PTPRM: variants seen among roughly 807,000 people sequenced by gnomAD.
The protein encoded by PTPRM is protein tyrosine phosphatase receptor type M, also known as receptor-type tyrosine-protein phosphatase mu.
In PTPRM, 47 loss-of-function variants were observed where a neutral mutation model predicts 186.7. The ratio of observed to expected loss-of-function variants is 0.25; its 90% confidence interval spans 0.20 to 0.32. PTPRM has a LOEUF of 0.32. Ranked by LOEUF, PTPRM falls within the 10% of genes least tolerant of loss-of-function variation. The pLI is 1.00. For synonymous variants in PTPRM, 668 were observed against 674.9 expected (o/e 0.99, Z 0.16); for missense variants, 1,494 against 1,865.0 (o/e 0.80, Z 3.66).
At chr18:8,026,861 A>G (rs1379103322) in intron 7 of PTPRM, among the ~76,000 whole-genome samples, 1 of 152,226 alleles carries the variant, frequency 6.6e-6, no homozygotes, top group Non-Finnish European at 1.5e-5. Flanking sequence ...CCATCTCAAA[A>G]AAAAAAAATG....
chr18:7,652,899 ATACTACTAC>A (rs201151653), intron 1 of PTPRM, among the ~76,000 whole-genome samples: 1 of 151,864 alleles, frequency 6.6e-6, no homozygotes, highest in Non-Finnish European at 1.5e-5. Context: ...AACTTAAAGT[ATACTACTAC>A]TACTACTACT....
At chr18:7,830,742 G>A (rs907612326) in intron 2 of PTPRM, among the ~76,000 whole-genome samples, 5 of 152,218 alleles carry the variant, frequency 3.3e-5, no homozygotes, top group African/African-American at 4.8e-5. Context: ...TAAAGAGACA[G>A]CAGCCAGTGG....
At chr18:7,692,472 C>T (rs750195801) in intron 1 of PTPRM, among the ~76,000 whole-genome samples, 1 of 152,190 alleles carries the variant, frequency 6.6e-6, no homozygotes, top group Non-Finnish European at 1.5e-5. Flanking sequence ...CAGTATGAAA[C>T]CTTTCTTAAA....
intron 29 of PTPRM, among the ~76,000 whole-genome samples, 173 bp downstream of exon 29, chr18:8,380,600 G>A (rs1178370937): frequency 6.6e-6 from 1 of 151,850 alleles, no homozygotes; most frequent in African/African-American, 2.4e-5. Flanking sequence ...CGGAATTAGG[G>A]GTTAGAAAGT....
At chr18:7,581,598 A>G (rs935601918) in intron 1 of PTPRM, among the ~76,000 whole-genome samples, 1 of 150,776 alleles carries the variant, frequency 6.6e-6, no homozygotes, top group African/African-American at 2.4e-5. Context: ...TTAGTTTCAA[A>G]TCTCATCATT....
intron 7 of PTPRM, among the ~76,000 whole-genome samples, chr18:8,040,270 T>A (rs904542779): frequency 2.0e-5 from 3 of 152,186 alleles, no homozygotes; most frequent in Non-Finnish European, 2.9e-5. Flanking sequence ...GTTCTCACTC[T>A]CATCCTAGTC....
At chr18:7,795,476 A>G (rs2043579704) in intron 2 of PTPRM, among the ~76,000 whole-genome samples, 1 of 152,034 alleles carries the variant, frequency 6.6e-6, no homozygotes. Flanking sequence ...TCTGGAAAAA[A>G]AAAAAAAAAG....
At chr18:8,049,987 A>C (rs1231635113) in intron 7 of PTPRM, among the ~76,000 whole-genome samples, 1 of 152,142 alleles carries the variant, frequency 6.6e-6, no homozygotes, top group Admixed American at 6.5e-5. Context: ...CTGGGATTAC[A>C]GGCATGAGCC....
intron 14 of PTPRM, among the ~76,000 whole-genome samples, chr18:8,147,000 T>C (rs1459428411): frequency 3.9e-5 from 6 of 152,206 alleles, no homozygotes; most frequent in Non-Finnish European, 1.5e-5. Flanking sequence ...TTCTGTTCCA[T>C]TGGCCTATAT....
intron 1 of PTPRM, among the ~76,000 whole-genome samples, chr18:7,593,559 TC>T (rs1213944317): frequency 2.0e-5 from 3 of 152,108 alleles, no homozygotes; most frequent in African/African-American, 4.8e-5. Flanking sequence ...CGGTGGAGCT[TC>T]CCCCATGTAC....
chr18:8,206,268 A>ATTTTTTTTTTTTTTTTTTT lies in PTPRM; in HGVS notation c.2301-37786_2301-37785insTTTTTTTTTTTTTTTTTTT, dbSNP rs1238112461. On this transcript the variant is annotated intron_variant, in intron 14 of 32. Transcript: ENST00000580170. The stretch of plus-strand genomic sequence containing the variant: ...CTGAATTTTTATTTTATTTTATTTT[A>ATTTTTTTTTTTTTTTTTTT]TTTTGAGACGGAGTCTTGCACTGTC... Among the ~76,000 whole-genome samples, 42 of 149,084 alleles carry ATTTTTTTTTTTTTTTTTTT rather than the reference A, an allele frequency of 2.8e-4. 3 individuals carry two copies. The highest frequency in any genetic ancestry group is 1.0e-3 in the African/African-American group (39 of 38,696).
chr18:7,777,421 C>T lies in PTPRM; in HGVS notation c.196+3150C>T, dbSNP rs151337463. ...CAAGTTTTACTGACACACAGCCATG[C>T]CCATTTGTTTAAATGGTGTCAGTGG... On this transcript the variant is annotated intron_variant, in intron 2 of 32. Coordinates refer to ENST00000580170, the MANE Select transcript of PTPRM (RefSeq NM_001105244.2). Among the ~76,000 whole-genome samples the T allele has an allele frequency of 2.9e-3, 438 of 152,264 alleles. 5 individuals carry two copies. The highest frequency in any genetic ancestry group is 0.01 in the African/African-American group (430 of 41,546).
At chr18:7,584,119 G>A (rs8089911) in intron 1 of PTPRM, among the ~76,000 whole-genome samples, 1 of 152,120 alleles carries the variant, frequency 6.6e-6, no homozygotes, top group African/African-American at 2.4e-5. Context: ...TAACATTCTT[G>A]CAGTGTCATT....
At chr18:8,034,407 C>A (rs1226111045) in intron 7 of PTPRM, among the ~76,000 whole-genome samples, 2 of 152,122 alleles carry the variant, frequency 1.3e-5, no homozygotes, top group South Asian at 2.1e-4. Context: ...TATGTCTGAG[C>A]CTCTGGGTGT....
intron 1 of PTPRM, among the ~76,000 whole-genome samples, chr18:7,723,284 C>T (rs757446700): frequency 6.6e-6 from 1 of 152,144 alleles, no homozygotes; most frequent in Non-Finnish European, 1.5e-5. Context: ...TTTCCTGAGG[C>T]TGTATTAGAT....
chr18:7,764,537 G>A (rs746605250), intron 1 of PTPRM, among the ~76,000 whole-genome samples: 2 of 152,116 alleles, frequency 1.3e-5, no homozygotes, highest in Non-Finnish European at 2.9e-5. Flanking sequence ...AGTTAAATAG[G>A]TTGATCCAGA....
chr18:7,656,333 AAAT>A (rs2038847526), intron 1 of PTPRM, among the ~76,000 whole-genome samples: 1 of 152,206 alleles, frequency 6.6e-6, no homozygotes, highest in African/African-American at 2.4e-5. Flanking sequence ...GACAAATTCC[AAAT>A]AATTTCACTT....
At chr18:7,796,347 C>T (rs1320009940) in intron 2 of PTPRM, among the ~76,000 whole-genome samples, 1 of 152,154 alleles carries the variant, frequency 6.6e-6, no homozygotes, top group East Asian at 1.9e-4. Context: ...GGAAAAGAAA[C>T]ACACACATGC....
chr18:7,960,227 GT>G (rs1315964519), intron 7 of PTPRM, among the ~76,000 whole-genome samples: 1 of 152,056 alleles, frequency 6.6e-6, no homozygotes, highest in Non-Finnish European at 1.5e-5. Flanking sequence ...ATTAAGATTG[GT>G]GAGAGTGAAG....
Sources: gnomAD v4.1 joint callset for allele counts (sites outside exome capture counted in the v4.1 genomes callset) on GRCh38, gnomAD v4.1.1 for gene constraint, MANE v1.5 for transcripts, NCBI Gene and HGNC (gene_info 2026-07-23, HGNC 2026-07-21) for gene names.